The following RTN4RL1 variants were observed in gnomAD, a reference collection of about 807,000 sequenced individuals.
The protein encoded by RTN4RL1 is reticulon 4 receptor like 1.
Under a neutral mutation model 25.6 loss-of-function variants are expected in RTN4RL1, and 7 were observed. The ratio of observed to expected loss-of-function variants is 0.27; its 90% CI spans 0.16 to 0.51. The LOEUF is 0.51. RTN4RL1 is among the 20% of genes least tolerant of loss of function. The pLI is 0.97. For synonymous variants in RTN4RL1, 297 were observed against 288.2 expected, an observed-to-expected ratio of 1.03 and a Z score of -0.31; for missense variants, 500 against 615.6, an observed-to-expected ratio of 0.81 and a Z score of 1.99.
At chr17:2,002,438 G>C (rs7211952) in intron 1 of RTN4RL1, among the ~76,000 whole-genome samples, 1 of 148,182 alleles carries the variant, frequency 6.7e-6, no homozygotes, top group Non-Finnish European at 1.5e-5. Context: ...GACTACAGGC[G>C]CCCGCCACCT....
chr17:1,981,367 G>C lies in RTN4RL1; in HGVS notation c.13+43486C>G, dbSNP rs371036342. Among the ~76,000 whole-genome samples the C allele has an allele frequency of 2.2e-4, 34 of 152,320 alleles. 1 individual carries two copies. In the East Asian group the frequency reaches 2.7e-3, roughly 12 times the overall value. On this transcript the variant is annotated intron_variant, in intron 1 of 1. Coordinates refer to ENST00000331238, the MANE Select transcript of RTN4RL1 (RefSeq NM_178568.4). ...CTGCAACTCCAACCTGGGTGACAGA[G>C]TGATACCTTGTCTCCAAAAACAACA...
In RTN4RL1 at chr17:1,988,399, G is replaced by A. The variant is rs746529156; in HGVS notation, c.13+36454C>T. 5.8e-3 allele frequency among the ~76,000 whole-genome samples: 481 copies of A among 83,646 alleles called. 3 individuals carry two copies. Among genetic ancestry groups the A allele is most frequent in the Non-Finnish European group, 6.5e-3 (297 of 45,608 alleles). 54.9% of individuals were successfully genotyped at this position (83,646 alleles called of 152,430 possible). ...CAGCCTGGTGACAGAGCAAGACTCC[G>A]CCTCAAAAAAAAAAAAAAAAAAGAA... On this transcript the variant is annotated intron_variant, in intron 1 of 1. Transcript: ENST00000331238.
At chr17:2,024,710 C>T in intron 1 of RTN4RL1, 143 bp downstream of exon 1, 2 of 722,430 alleles carry the variant, frequency 2.8e-6, no homozygotes, top group Non-Finnish European at 4.4e-6. Context: ...GCAGCAGCCC[C>T]TCGGCGGGTG....
intron 1 of RTN4RL1, among the ~76,000 whole-genome samples, chr17:1,984,467 G>A (rs377426988): frequency 3.3e-5 from 5 of 152,040 alleles, no homozygotes; most frequent in South Asian, 2.1e-4. Context: ...GGACTCAAGC[G>A]ACCCTCCCTC....
intron 1 of RTN4RL1, among the ~76,000 whole-genome samples, chr17:1,950,875 G>T (rs866341665): frequency 6.1e-5 from 6 of 98,170 alleles, no homozygotes; most frequent in Admixed American, 2.2e-4. Context: ...AAAAAAAAAA[G>T]GCTACTTGGC....
At chr17:1,938,215 G>A (rs923913180) in intron 1 of RTN4RL1, among the ~76,000 whole-genome samples, 1 of 152,178 alleles carries the variant, frequency 6.6e-6, no homozygotes, top group African/African-American at 2.4e-5. Context: ...CTGTGCTCAC[G>A]GATATTGGGA....
chr17:1,971,195 AG>A (rs2066817060), intron 1 of RTN4RL1, among the ~76,000 whole-genome samples: 2 of 152,248 alleles, frequency 1.3e-5, no homozygotes, highest in East Asian at 3.9e-4. Flanking sequence ...CGTGATAGTG[AG>A]GGAGTTCTCA....
At position 1,990,099 on chromosome 17, in the gene RTN4RL1, A is replaced by T. The variant is rs536896232; in HGVS notation, c.13+34754T>A. The stretch of plus-strand genomic sequence containing the variant: ...ATTAAAAAACTTTTTTTTAATTATC[A>T]AGGATGCATAGAATATTTGGGAAGC... On this transcript the variant is annotated intron_variant, in intron 1 of 1. Transcript: ENST00000331238. Among the ~76,000 whole-genome samples, 5 of 152,078 alleles carry T rather than the reference A, an allele frequency of 3.3e-5. No individual in the cohort carries two copies. In the South Asian group the frequency reaches 1.0e-3, roughly 32 times the overall value.
At chr17:1,945,911 C>T (rs1398154568) in intron 1 of RTN4RL1, among the ~76,000 whole-genome samples, 1 of 152,200 alleles carries the variant, frequency 6.6e-6, no homozygotes, top group Non-Finnish European at 1.5e-5. Context: ...TCAGGAAGCC[C>T]TAGGCCCAGG....
At chr17:1,949,285 C>T (rs565385083) in intron 1 of RTN4RL1, among the ~76,000 whole-genome samples, 50 of 149,970 alleles carry the variant, frequency 3.3e-4, no homozygotes, top group Admixed American at 4.6e-4. Context: ...TTAGTAGAGA[C>T]GGGGTTTCAC....
rs572456449 is a variant in RTN4RL1 at position 2,002,588 on chromosome 17, G to T, written c.13+22265C>A. ...ATTACAGGCGTGAGCCACCGCGCCC[G>T]GCCTGTCTTTCTTTATTTCCTCTCT... On this transcript the variant is annotated intron_variant, in intron 1 of 1. Transcript: ENST00000331238. Among the ~76,000 whole-genome samples, 12 of 151,278 alleles carry T rather than the reference G, an allele frequency of 7.9e-5. No individual in the cohort carries two copies. The East Asian group carries it at 2.2e-3, about 28-fold the overall frequency.
At chr17:2,021,039 G>A (rs918648578) in intron 1 of RTN4RL1, among the ~76,000 whole-genome samples, 2 of 152,210 alleles carry the variant, frequency 1.3e-5, no homozygotes, top group African/African-American at 2.4e-5. Context: ...TAGGCCACGA[G>A]ATGGAGAAGC....
chr17:2,021,957 C>G (rs1017231112), intron 1 of RTN4RL1, among the ~76,000 whole-genome samples: 1 of 149,198 alleles, frequency 6.7e-6, no homozygotes, highest in Non-Finnish European at 1.5e-5. Flanking sequence ...CTCTCAGACT[C>G]AAGTGATCCT....
At chr17:1,943,022 C>G (rs1001190122) in intron 1 of RTN4RL1, among the ~76,000 whole-genome samples, 7 of 152,206 alleles carry the variant, frequency 4.6e-5, no homozygotes. Flanking sequence ...TGGGACCAGC[C>G]CTCACAGGGC....
chr17:1,988,403 CAAAAAAA>C (rs398030159), intron 1 of RTN4RL1, among the ~76,000 whole-genome samples: 2 of 77,222 alleles, frequency 2.6e-5, no homozygotes, highest in East Asian at 8.3e-4. Context: ...GACTCCGCCT[CAAAAAAA>C]AAAAAAAAAA....
At chr17:1,942,328 G>T (rs1438140380) in intron 1 of RTN4RL1, among the ~76,000 whole-genome samples, 1 of 152,126 alleles carries the variant, frequency 6.6e-6, no homozygotes, top group Non-Finnish European at 1.5e-5. Context: ...CCCGGGGTGT[G>T]GGGGGTGCCA....
rs545206772 is a variant in RTN4RL1 at position 1,952,069 on chromosome 17, G to A, written c.14-14261C>T. ...AGAGGGCACCCTCTACCCAGAAGCTGCTGCTCTCCTAGCAGAAGGGAAAGA... is the reference window on the plus strand; with the variant it reads ...AGAGGGCACCCTCTACCCAGAAGCTACTGCTCTCCTAGCAGAAGGGAAAGA... On this transcript the variant is annotated intron_variant, in intron 1 of 1. Transcript: ENST00000331238. Among the ~76,000 whole-genome samples, 3 of 152,214 alleles carry A rather than the reference G, an allele frequency of 2.0e-5. No individual in the cohort carries two copies. In the East Asian group the frequency reaches 5.8e-4, roughly 29 times the overall value.
Position 1,947,114 on chromosome 17 carries a change from C to T in RTN4RL1, c.14-9306G>A, listed in dbSNP as rs142330532. ...CTCTGTGTCAATGTGTGTGTGCGCACGGGGTCTGTGTGTGTCTATGTTGAA... is the reference window on the plus strand; with the variant it reads ...CTCTGTGTCAATGTGTGTGTGCGCATGGGGTCTGTGTGTGTCTATGTTGAA... On this transcript the variant is annotated intron_variant, in intron 1 of 1. Transcript: ENST00000331238. Among the ~76,000 whole-genome samples, 535 of 144,840 alleles carry T rather than the reference C, an allele frequency of 3.7e-3. 4 individuals are homozygous for T. Among genetic ancestry groups the T allele is most frequent in the African/African-American group, 0.013 (513 of 38,530 alleles).
At chr17:1,981,293 A>G (rs960121730) in intron 1 of RTN4RL1, among the ~76,000 whole-genome samples, 3 of 152,130 alleles carry the variant, frequency 2.0e-5, no homozygotes, top group Non-Finnish European at 4.4e-5. Flanking sequence ...AGGAGGGAGG[A>G]TCACTTGAGC....
Sources: allele counts gnomAD v4.1 joint callset (sites outside exome capture counted in the v4.1 genomes callset), GRCh38; gene constraint gnomAD v4.1.1; transcripts MANE v1.5; gene names NCBI Gene and HGNC (gene_info 2026-07-23, HGNC 2026-07-21).